The following GLIS3 variants were observed in gnomAD, a reference collection of about 807,000 sequenced individuals.
GLIS3 encodes zinc finger protein GLIS3.
A neutral mutation model predicts 78.6 loss-of-function variants in GLIS3; 53 were observed. That is an observed-to-expected ratio of 0.67 (90% CI 0.54 to 0.85). The LOEUF (loss-of-function observed/expected upper bound fraction) is 0.85, where lower values mean the gene tolerates loss of function less well. Among genes scored for constraint, GLIS3 ranks in the 40% least tolerant of loss-of-function variants. The probability of loss-of-function intolerance (pLI) is 0.00; values close to 1 mark genes in which losing one functional copy is unlikely to be tolerated. For missense variants in GLIS3, 1,703 were observed against 1,231.1 expected, an observed-to-expected ratio of 1.38 and a Z score of -5.74; for synonymous variants, 684 against 509.9, an observed-to-expected ratio of 1.34 and a Z score of -4.60.
chr9:4,034,153 C>G (rs1824115791), intron 4 of GLIS3, among the ~76,000 whole-genome samples: 1 of 151,964 alleles, frequency 6.6e-6, no homozygotes, highest in Non-Finnish European at 1.5e-5. Context: ...TGCTTGAGCC[C>G]AGGAGGTCAA....
chr9:3,983,117 G>A (rs1366684538), intron 4 of GLIS3, among the ~76,000 whole-genome samples: 1 of 152,180 alleles, frequency 6.6e-6, no homozygotes, highest in Non-Finnish European at 1.5e-5. Flanking sequence ...AACATGGTGA[G>A]AGGTGACTGA....
At chr9:3,984,428 C>T (rs1010192538) in intron 4 of GLIS3, among the ~76,000 whole-genome samples, 9 of 152,300 alleles carry the variant, frequency 5.9e-5, no homozygotes, top group South Asian at 4.1e-4. Context: ...TTGACTGCCC[C>T]GCTGGATTTG....
At chr9:4,289,494 T>A (rs1433752766) in intron 1 of GLIS3, among the ~76,000 whole-genome samples, 1 of 152,148 alleles carries the variant, frequency 6.6e-6, no homozygotes, top group Non-Finnish European at 1.5e-5. Context: ...AACATTGCAT[T>A]TACACTTTGC....
At chr9:4,080,706 T>C (rs1828484550) in intron 4 of GLIS3, among the ~76,000 whole-genome samples, 1 of 152,204 alleles carries the variant, frequency 6.6e-6, no homozygotes, top group African/African-American at 2.4e-5. Flanking sequence ...ACATATTTTG[T>C]AGTTGGCTGA....
At chr9:4,263,832 C>T (rs1281551933) in intron 2 of GLIS3, among the ~76,000 whole-genome samples, 1 of 152,168 alleles carries the variant, frequency 6.6e-6, no homozygotes, top group Non-Finnish European at 1.5e-5. Flanking sequence ...TGGTTTTCTT[C>T]CTACCTCATT....
chr9:4,119,967 C>T (rs1222158146), intron 3 of GLIS3, among the ~76,000 whole-genome samples: 6 of 152,224 alleles, frequency 3.9e-5, no homozygotes, highest in African/African-American at 1.2e-4. Flanking sequence ...AGACATAACA[C>T]GCTGTATTTC....
chr9:4,032,885 G>C (rs1414141383), intron 4 of GLIS3, among the ~76,000 whole-genome samples: 1 of 151,066 alleles, frequency 6.6e-6, no homozygotes, highest in Admixed American at 6.6e-5. Flanking sequence ...ACAGAGTCTC[G>C]CTCTGTCGCC....
At chr9:4,141,654 A>C (rs1452751938) in intron 2 of GLIS3, among the ~76,000 whole-genome samples, 3 of 152,244 alleles carry the variant, frequency 2.0e-5, no homozygotes, top group Non-Finnish European at 4.4e-5. Flanking sequence ...TAATTTAAAC[A>C]ACCATTTCTT....
At chr9:4,079,666 A>T (rs1374817390) in intron 4 of GLIS3, among the ~76,000 whole-genome samples, 3 of 152,160 alleles carry the variant, frequency 2.0e-5, no homozygotes, top group Non-Finnish European at 2.9e-5. Context: ...GAGCCAGAGA[A>T]ACCTAGCTTA....
At chr9:4,262,967 T>C (rs1011730112) in intron 2 of GLIS3, among the ~76,000 whole-genome samples, 3 of 147,394 alleles carry the variant, frequency 2.0e-5, no homozygotes, top group Admixed American at 6.7e-5. Context: ...TCCCACAGCC[T>C]CTCCATGAAT....
intron 2 of GLIS3, among the ~76,000 whole-genome samples, chr9:4,268,728 GTTGA>G (rs1826235431): frequency 6.6e-6 from 1 of 152,166 alleles, no homozygotes; most frequent in African/African-American, 2.4e-5. Context: ...ACCCACACTT[GTTGA>G]TTTGATTCTG....
At chr9:4,297,969 G>A (rs1415063206) in intron 1 of GLIS3, among the ~76,000 whole-genome samples, 2 of 152,158 alleles carry the variant, frequency 1.3e-5, no homozygotes, top group Admixed American at 6.5e-5. Context: ...AGGCGACAGC[G>A]CCCGGCGGGG....
intron 9 of GLIS3, among the ~76,000 whole-genome samples, chr9:3,844,027 T>C (rs1471389794): frequency 6.6e-6 from 1 of 152,118 alleles, no homozygotes; most frequent in Non-Finnish European, 1.5e-5. Context: ...AGAGGGGAAA[T>C]TCCTGTAATC....
chr9:4,262,369 G>A (rs1204524619), intron 2 of GLIS3, among the ~76,000 whole-genome samples: 2 of 152,126 alleles, frequency 1.3e-5, no homozygotes, highest in African/African-American at 4.8e-5. Context: ...GAGTGGCATG[G>A]ATTTGGGAAG....
chr9:3,908,279 G>A (rs916456418), intron 6 of GLIS3, among the ~76,000 whole-genome samples: 11 of 152,166 alleles, frequency 7.2e-5, no homozygotes, highest in African/African-American at 2.4e-4. Flanking sequence ...GACAGCTCCA[G>A]TTGTCAAAAA....
upstream of GLIS3, among the ~76,000 whole-genome samples, chr9:4,300,116 G>T (rs1208393799): frequency 6.6e-6 from 1 of 150,446 alleles, no homozygotes; most frequent in Non-Finnish European, 1.5e-5. Context: ...GAGTGTGAGC[G>T]CCGGAGGGGG....
At chr9:3,847,293 C>G (rs373842821) in intron 9 of GLIS3, among the ~76,000 whole-genome samples, 3 of 152,206 alleles carry the variant, frequency 2.0e-5, no homozygotes, top group Non-Finnish European at 4.4e-5. Context: ...ATAAACTTGT[C>G]TGTAAGTCAC....
intron 2 of GLIS3, among the ~76,000 whole-genome samples, chr9:4,325,900 T>C (rs1338535779): frequency 6.6e-6 from 1 of 152,202 alleles, no homozygotes; most frequent in Non-Finnish European, 1.5e-5. Flanking sequence ...TGTCCTTTGC[T>C]GGGACATGGA....
chr9:4,046,991 T>C (rs555758398), intron 4 of GLIS3, among the ~76,000 whole-genome samples: 2 of 152,050 alleles, frequency 1.3e-5, no homozygotes, highest in African/African-American at 2.4e-5. Context: ...GTTGTCGGAG[T>C]GTAGACTTCA....
Sources: allele counts gnomAD v4.1 joint callset (sites outside exome capture counted in the v4.1 genomes callset), GRCh38; gene constraint gnomAD v4.1.1; transcripts MANE v1.5; gene names NCBI Gene and HGNC (gene_info 2026-07-23, HGNC 2026-07-21).